The following NDUFA10 variants were observed in gnomAD, a reference collection of about 807,000 sequenced individuals.
The protein encoded by NDUFA10 is NADH dehydrogenase [ubiquinone] 1 alpha subcomplex subunit 10, mitochondrial.
A neutral mutation model predicts 47.8 loss-of-function variants in NDUFA10; 40 were observed. The ratio of observed to expected loss-of-function variants is 0.84; its 90% CI spans 0.65 to 1.09. The LOEUF is 1.09. NDUFA10 is among the 50% of genes least tolerant of loss of function. The pLI, the probability that NDUFA10 is intolerant of heterozygous loss-of-function variation, is 0.00. For missense variants in NDUFA10, 413 were observed against 451.1 expected, an observed-to-expected ratio of 0.92 and a Z score of 0.76; for synonymous variants, 183 against 172.2, an observed-to-expected ratio of 1.06 and a Z score of -0.49.
intron 4 of NDUFA10, among the ~76,000 whole-genome samples, chr2:239,950,625 G>C (rs1248522172): frequency 6.6e-6 from 1 of 152,218 alleles, no homozygotes; most frequent in Non-Finnish European, 1.5e-5. Flanking sequence ...TAAAATCAAA[G>C]CAAACCAACT....
At position 239,945,508 on chromosome 2, in the gene NDUFA10, C is replaced by T. The variant is rs1051828963; in HGVS notation, c.294+44566G>A. Among the ~76,000 whole-genome samples, 1 of 152,046 alleles carries T rather than the reference C, an allele frequency of 6.6e-6. No homozygotes were observed. Among genetic ancestry groups the T allele is most frequent in the Non-Finnish European group, 1.5e-5 (1 of 68,002 alleles). ...GCAGGCTGCACCGCGAGGCTCCCTG[C>T]GCCCCACCGAGCCGGTCAGGGCTGC... On this transcript the variant is annotated intron_variant, in intron 4 of 5. Coordinates refer to the NDUFA10 transcript ENST00000419408. This position sits in a 1 kb window ranked among gnomAD's most constrained non-coding sequence, Gnocchi z 4.6.
At position 239,990,136 on chromosome 2, in the gene NDUFA10, A is replaced by T; in HGVS notation, c.937T>A (p.Phe313Ile). 2 of 1,614,040 alleles carry T rather than the reference A, an allele frequency of 1.2e-6. No homozygotes were observed. Among genetic ancestry groups the T allele is most frequent in the Non-Finnish European group, 1.7e-6 (2 of 1,179,924 alleles). Reference protein sequence around the residue: ...EVLNYTSIPIFLPEVTIGAHQ... With the variant: ...EVLNYTSIPIILPEVTIGAHQ... Reference sequence around the variant, plus strand: ...GCTCCAATGGTGACTTCCGGGAGAAAGATAGGAATGCTTGTGTAATTCAGC... The same window carrying T: ...GCTCCAATGGTGACTTCCGGGAGAATGATAGGAATGCTTGTGTAATTCAGC... The change falls in exon 9 of 10, where the codon TTT (phenylalanine) becomes ATT (isoleucine). Residue 313 changes from phenylalanine to isoleucine, a missense_variant. Phe to Ile is a conservative substitution (Grantham distance 21). Coordinates refer to ENST00000252711, the MANE Select transcript of NDUFA10 (RefSeq NM_004544.4).
intron 1 of NDUFA10, among the ~76,000 whole-genome samples, chr2:240,024,015 G>A (rs1268728201): frequency 6.6e-6 from 1 of 152,162 alleles, no homozygotes; most frequent in Non-Finnish European, 1.5e-5. Context: ...AGAGCAACAA[G>A]GAGAGCCTTC....
intron 4 of NDUFA10, among the ~76,000 whole-genome samples, chr2:239,912,268 G>A (rs1025176116): frequency 2.6e-5 from 4 of 152,160 alleles, no homozygotes; most frequent in Admixed American, 2.6e-4. Context: ...TCTCCTCCAG[G>A]ATTCTGGCTA....
chr2:240,000,548 T>G (rs1246926196), intron 8 of NDUFA10, among the ~76,000 whole-genome samples: 1 of 152,224 alleles, frequency 6.6e-6, no homozygotes, highest in East Asian at 1.9e-4. Context: ...AAAAACTTTT[T>G]ATATAAATTT....
intron 7 of NDUFA10, among the ~76,000 whole-genome samples, chr2:240,006,898 T>A (rs1465711849): frequency 6.6e-6 from 1 of 152,256 alleles, no homozygotes; most frequent in Non-Finnish European, 1.5e-5. Context: ...CTTCTTCAGA[T>A]GTTTTAATGT....
intron 9 of NDUFA10, among the ~76,000 whole-genome samples, chr2:239,963,297 C>A (rs913752211): frequency 3.3e-5 from 5 of 152,226 alleles, no homozygotes; most frequent in African/African-American, 7.2e-5. Flanking sequence ...GGCAGCTAGT[C>A]TGGCAGAGTC....
intron 4 of NDUFA10, among the ~76,000 whole-genome samples, chr2:239,946,101 CTG>C (rs1156457999): frequency 2.0e-5 from 3 of 152,210 alleles, no homozygotes; most frequent in African/African-American, 7.2e-5. Flanking sequence ...ACCTTGGCAG[CTG>C]TGTGTGTTCG....
rs1214194232 is a variant in NDUFA10 at position 239,990,014 on chromosome 2, T to C, written c.999+60A>G. ...ACTCCTTTCTGGAGAAGTGACTGCATTGTCCCCAGGTGCTGCAGACTCATC... is the reference window on the plus strand; with the variant it reads ...ACTCCTTTCTGGAGAAGTGACTGCACTGTCCCCAGGTGCTGCAGACTCATC... On this transcript the variant is annotated intron_variant, in intron 9 of 9. Coordinates refer to ENST00000252711, the MANE Select transcript of NDUFA10 (RefSeq NM_004544.4). The C allele has an allele frequency of 5.5e-5, 68 of 1,236,382 alleles. 2 individuals carry two copies. The Admixed American group carries it at 1.0e-3, about 18-fold the overall frequency. 76.6% of individuals were successfully genotyped at this position (1,236,382 alleles called of 1,614,324 possible).
At chr2:240,009,760 T>C (rs1389254814) in intron 6 of NDUFA10, among the ~76,000 whole-genome samples, 1 of 152,226 alleles carries the variant, frequency 6.6e-6, no homozygotes, top group Admixed American at 6.5e-5. Context: ...ACTAAAAACA[T>C]TTCTCTTATT....
intron 5 of NDUFA10, chr2:240,013,284 T>C (rs1394625605): frequency 6.6e-6 from 1 of 152,240 alleles, no homozygotes; most frequent in African/African-American, 2.4e-5. Context: ...ATGTCTTTTA[T>C]AAAATGGGGT....
chr2:240,000,183 T>G (rs1196795574), intron 8 of NDUFA10, among the ~76,000 whole-genome samples: 2 of 152,250 alleles, frequency 1.3e-5, no homozygotes, highest in African/African-American at 2.4e-5. Context: ...CTCATCTTAC[T>G]TATTTAAAAA....
At chr2:239,918,463 C>T (rs1693914727) in intron 4 of NDUFA10, among the ~76,000 whole-genome samples, 1 of 152,224 alleles carries the variant, frequency 6.6e-6, no homozygotes, top group African/African-American at 2.4e-5. Flanking sequence ...AGCCCCTCCA[C>T]CCCTGTGCTA....
At chr2:239,925,867 C>G (rs551014175) in intron 4 of NDUFA10, among the ~76,000 whole-genome samples, 1 of 152,268 alleles carries the variant, frequency 6.6e-6, no homozygotes, top group African/African-American at 2.4e-5. Flanking sequence ...AGATATTTCA[C>G]AAAGAGGATA....
rs527393169 is a variant in NDUFA10, at chr2:240,018,526, A to G, written c.547+27T>C. On this transcript the variant is annotated intron_variant, in intron 4 of 9. Coordinates refer to ENST00000252711, the MANE Select transcript of NDUFA10 (RefSeq NM_004544.4). ...CCTTGCAAAGTCGCACCACACACCC[A>G]GAAGTGGGTCTGCAATGCTGACTCA... 13 of 1,614,264 alleles carry G rather than the reference A, an allele frequency of 8.1e-6. No individual in the cohort carries two copies. The East Asian group carries it at 2.7e-4, about 33-fold the overall frequency.
intron 4 of NDUFA10, chr2:240,017,822 G>A (rs545509673): frequency 6.4e-6 from 10 of 1,559,102 alleles, no homozygotes; most frequent in Admixed American, 1.9e-5. Context: ...CACCTGGCTT[G>A]CTTCGGCCTC....
chr2:239,904,328 C>T (rs2106466740), intron 4 of NDUFA10, among the ~76,000 whole-genome samples: 1 of 152,288 alleles, frequency 6.6e-6, no homozygotes, highest in East Asian at 1.9e-4. Context: ...GACGTAGTCT[C>T]TCTCTGTCAC....
chr2:239,946,827 C>A (rs1694461337), intron 4 of NDUFA10, among the ~76,000 whole-genome samples: 1 of 152,266 alleles, frequency 6.6e-6, no homozygotes. Context: ...CAAGCACAAG[C>A]TCTGGGGCCA....
chr2:240,000,245 G>A (rs1056425585), intron 8 of NDUFA10, among the ~76,000 whole-genome samples: 1 of 152,178 alleles, frequency 6.6e-6, no homozygotes, highest in Non-Finnish European at 1.5e-5. Context: ...TCCAGAAGAA[G>A]GCATCATTGT....
Sources: allele counts gnomAD v4.1 joint callset (sites outside exome capture counted in the v4.1 genomes callset), GRCh38; gene constraint gnomAD v4.1.1; non-coding constraint Gnocchi (gnomAD v3.1); transcripts MANE v1.5; gene names NCBI Gene and HGNC (gene_info 2026-07-23, HGNC 2026-07-21).